Variants in RTF1 observed in about 807,000 individuals in gnomAD.
The protein encoded by RTF1 is RTF1 homolog, Paf1/RNA polymerase II complex component, also known as RNA polymerase-associated protein RTF1 homolog.
In RTF1, 10 loss-of-function variants were observed where a neutral mutation model predicts 95.7. The observed-to-expected ratio is 0.10, with a 90% CI of 0.06 to 0.18. The LOEUF (loss-of-function observed/expected upper bound fraction) is 0.18, where lower values mean the gene tolerates loss of function less well. RTF1 is among the 10% of genes least tolerant of loss of function. The probability of loss-of-function intolerance (pLI) is 1.00; values close to 1 mark genes in which losing one functional copy is unlikely to be tolerated. For missense variants in RTF1, 458 were observed against 875.6 expected, an observed-to-expected ratio of 0.52 and a Z score of 6.02; for synonymous variants, 305 against 311.8, an observed-to-expected ratio of 0.98 and a Z score of 0.23.
chr15:41,472,760 G>A (rs2050919905), intron 8 of RTF1, among the ~76,000 whole-genome samples: 2 of 151,342 alleles, frequency 1.3e-5, no homozygotes, highest in South Asian at 4.2e-4. Flanking sequence ...GGAGTTCAGT[G>A]GCACGATCTC....
Position 41,438,338 on chromosome 15 carries a change from A to C in RTF1, c.216A>C (p.Ala72=). 6.4e-7 allele frequency: 1 copy of C among 1,550,422 alleles called. No individual in the cohort carries two copies. Among genetic ancestry groups the C allele is most frequent in the Non-Finnish European group, 8.7e-7 (1 of 1,146,034 alleles). The change falls in exon 2 of 18, where the codon GCA becomes GCC. Residue 72 remains alanine (A), a synonymous_variant. Transcript: ENST00000389629. ...ENLDQELLSL[A]KRKRSDSEEK... ...CCCATTAGGAGCTCTTGTCCCTGGC[A>C]AAGCGAAAGCGCAGTGACTCTGAGG...
At chr15:41,449,974 T>C (rs2140957114) in intron 2 of RTF1, among the ~76,000 whole-genome samples, 1 of 152,140 alleles carries the variant, frequency 6.6e-6, no homozygotes, top group East Asian at 1.9e-4. Context: ...GGCAGGAGAA[T>C]TGCTTGAACT....
chr15:41,477,668 T>A, intron 14 of RTF1, 153 bp downstream of exon 14: 2 of 672,150 alleles, frequency 3.0e-6, no homozygotes, highest in South Asian at 1.8e-5. Flanking sequence ...TACATCGATA[T>A]AATTTATTCA....
At chr15:41,448,365 T>TA (rs1310472247) in intron 2 of RTF1, among the ~76,000 whole-genome samples, 40 of 151,928 alleles carry the variant, frequency 2.6e-4, no homozygotes, top group African/African-American at 8.9e-4. Context: ...AAAATAAAAT[T>TA]TAAAAAAATG....
chr15:41,473,704 A>G (rs1222431176), intron 8 of RTF1, among the ~76,000 whole-genome samples: 6 of 151,932 alleles, frequency 3.9e-5, no homozygotes, highest in Non-Finnish European at 8.8e-5. Flanking sequence ...CTAGGACTGT[A>G]GGTGCACACC....
At chr15:41,437,421 G>A (rs575811280) in intron 1 of RTF1, among the ~76,000 whole-genome samples, 3 of 152,024 alleles carry the variant, frequency 2.0e-5, no homozygotes, top group South Asian at 2.1e-4. Context: ...GTGTGAACCC[G>A]GGAGGCAGAG....
At position 41,477,668 on chromosome 15, in the gene RTF1, T is replaced by G. The variant is rs1262636188; in HGVS notation, c.1740+153T>G. 6.0e-6 allele frequency: 4 copies of G among 672,032 alleles called. No individual in the cohort carries two copies. In the African/African-American group the frequency reaches 7.2e-5, roughly 12 times the overall value. The allele number at this position is 672,032 out of a possible 1,614,324, so 41.6% of individuals were successfully genotyped here. The stretch of plus-strand genomic sequence containing the variant: ...CTCTGTATGTCCACGTACATCGATA[T>G]AATTTATTCATAATGAAAAGCAGCA... On this transcript the variant is annotated intron_variant, in intron 14 of 17. Transcript: ENST00000389629.
In RTF1 at chr15:41,474,654, A is replaced by C; in HGVS notation, c.1238A>C (p.Lys413Thr). ...ATTACGGGTGTTGTGGAAACTGCCA[A>C]AGTTTACCAACTAGGTGGCACCAGA... ...AEITGVVETA[K>T]VYQLGGTRTN... The change falls in exon 9 of 18, where the codon AAA (lysine) becomes ACA (threonine). Residue 413 changes from lysine (K) to threonine (T), a missense_variant. By Grantham distance (78) the Lys-to-Thr change is moderately conservative. Coordinates refer to ENST00000389629, the MANE Select transcript of RTF1 (RefSeq NM_015138.5). 1 of 1,614,146 alleles carries C rather than the reference A, an allele frequency of 6.2e-7. No homozygotes were observed. The highest frequency in any genetic ancestry group is 1.1e-5 in the South Asian group (1 of 91,076).
chr15:41,448,286 A>G (rs2050772986), intron 2 of RTF1, among the ~76,000 whole-genome samples: 1 of 152,112 alleles, frequency 6.6e-6, no homozygotes, highest in Admixed American at 6.6e-5. Context: ...TAAGAATAAT[A>G]CTGAGACTGG....
chr15:41,471,389 G>A (rs1426145411), intron 8 of RTF1, 40 bp downstream of exon 8: 1 of 1,571,508 alleles, frequency 6.4e-7, no homozygotes, highest in Non-Finnish European at 8.6e-7. Flanking sequence ...CATGCTTTCA[G>A]TATAATTAGT....
chr15:41,432,422 C>A (rs969723625), intron 1 of RTF1, among the ~76,000 whole-genome samples: 1 of 151,416 alleles, frequency 6.6e-6, no homozygotes, highest in Non-Finnish European at 1.5e-5. Context: ...TGGTCTTGAT[C>A]TCCTGACCTC....
At chr15:41,466,627 T>C (rs919989891) in intron 6 of RTF1, among the ~76,000 whole-genome samples, 2 of 152,218 alleles carry the variant, frequency 1.3e-5, no homozygotes, top group Non-Finnish European at 2.9e-5. Context: ...AATTTTTCTA[T>C]TTGTTTTGTA....
At chr15:41,446,270 C>G (rs1256955931) in intron 2 of RTF1, among the ~76,000 whole-genome samples, 1 of 152,044 alleles carries the variant, frequency 6.6e-6, no homozygotes, top group African/African-American at 2.4e-5. Context: ...AGAACAGACT[C>G]ACAGAAATTC....
At chr15:41,418,793 A>G (rs2050585078) in intron 1 of RTF1, among the ~76,000 whole-genome samples, 2 of 151,700 alleles carry the variant, frequency 1.3e-5, no homozygotes, top group Admixed American at 1.3e-4. Flanking sequence ...ACAAAAAAAA[A>G]AAAAAAAAGA....
At chr15:41,444,362 C>T (rs1355663287) in intron 2 of RTF1, among the ~76,000 whole-genome samples, 3 of 151,588 alleles carry the variant, frequency 2.0e-5, no homozygotes, top group African/African-American at 7.3e-5. Context: ...GGTGCAATCT[C>T]AGCTCACTGC....
At chr15:41,439,032 T>C (rs2050719338) in intron 2 of RTF1, among the ~76,000 whole-genome samples, 1 of 150,840 alleles carries the variant, frequency 6.6e-6, no homozygotes, top group Admixed American at 6.6e-5. Context: ...TTTTCTTTTA[T>C]TTTCTTTTTT....
Position 41,471,325 on chromosome 15 carries a change from C to T in RTF1, c.1179C>T (p.Asn393=). The change falls in exon 8 of 18, where the codon AAC becomes AAT. Residue 393 remains asparagine (N), a synonymous_variant. Coordinates refer to ENST00000389629, the MANE Select transcript of RTF1 (RefSeq NM_015138.5). ...GTTTTGTGCGGATTGGCATCGGAAA[C>T]CACAACAGCAAACCAGTTTACCGGG... ...TGCFVRIGIG[N]HNSKPVYRVA... 6.2e-7 allele frequency: 1 copy of T among 1,611,874 alleles called. No individual in the cohort carries two copies.
chr15:41,476,579 A>G, intron 12 of RTF1, 56 bp downstream of exon 12: 1 of 1,493,700 alleles, frequency 6.7e-7, no homozygotes. Flanking sequence ...GTGGAAATCA[A>G]ACTTGTTCAT....
At chr15:41,437,491 G>T (rs564064489) in intron 1 of RTF1, among the ~76,000 whole-genome samples, 2 of 151,864 alleles carry the variant, frequency 1.3e-5, no homozygotes, top group African/African-American at 4.8e-5. Flanking sequence ...GCGAGACTCT[G>T]TCTCAAAAAA....
Sources: gnomAD v4.1 joint callset for allele counts (sites outside exome capture counted in the v4.1 genomes callset) on GRCh38, gnomAD v4.1.1 for gene constraint, MANE v1.5 for transcripts, NCBI Gene and HGNC (gene_info 2026-07-23, HGNC 2026-07-21) for gene names.